Variants in PDE3A observed in about 807,000 individuals in gnomAD.
PDE3A encodes the protein cGMP-inhibited 3',5'-cyclic phosphodiesterase 3A.
A neutral mutation model predicts 98.3 loss-of-function variants in PDE3A; 43 were observed. The observed-to-expected ratio is 0.44, with a 90% confidence interval of 0.34 to 0.56. The LOEUF (loss-of-function observed/expected upper bound fraction) is 0.56, where lower values mean the gene tolerates loss of function less well. Ranked by LOEUF, PDE3A falls within the 20% of genes least tolerant of loss-of-function variation. The probability of loss-of-function intolerance (pLI) is 0.01; values close to 1 mark genes in which losing one functional copy is unlikely to be tolerated. For missense variants in PDE3A, 1,427 were observed against 1,440.7 expected, an observed-to-expected ratio of 0.99 and a Z score of 0.15; for synonymous variants, 663 against 567.9, an observed-to-expected ratio of 1.17 and a Z score of -2.38.
Position 20,369,580 on chromosome 12 carries a change from AGGAGGAGGAAGCAGCCCCG to A in PDE3A, c.301_319del (p.Glu101GlnfsTer100). On this transcript the variant is annotated frameshift_variant, in exon 1 of 16. Transcript: ENST00000359062. LOFTEE classifies it high-confidence loss of function. ...CAGTGTAAGGAGGCGGCGGCGGCGG[AGGAGGAGGAAGCAGCCCCG>A]GGAGCAGAAGGGGGCGTCTTCCCGG... 1 of 1,554,624 alleles carries A rather than the reference AGGAGGAGGAAGCAGCCCCG, an allele frequency of 6.4e-7. No individual in the cohort carries two copies. Among genetic ancestry groups the A allele is most frequent in the South Asian group, 1.2e-5 (1 of 84,192 alleles).
intron 2 of PDE3A, among the ~76,000 whole-genome samples, chr12:20,571,589 T>C (rs920137232): frequency 2.6e-5 from 4 of 152,168 alleles, no homozygotes; most frequent in African/African-American, 9.6e-5. Flanking sequence ...TTCTGACTCC[T>C]AGCTTTTCTA....
At position 20,368,605 on chromosome 12, in the gene PDE3A, AT is replaced by A. The variant is rs1339516325; in HGVS notation, c.-669del. 7.9e-3 allele frequency among the ~76,000 whole-genome samples: 1,102 copies of A among 139,832 alleles called. 37 individuals are homozygous for A. Among genetic ancestry groups the A allele is most frequent in the Admixed American group, 0.061 (873 of 14,196 alleles). The allele number at this position is 139,832 out of a possible 152,430, so 91.7% of individuals were successfully genotyped here. A position where few individuals can be genotyped will look rare whatever the true frequency, so the allele number is the denominator to read the frequency against. On this transcript the variant is annotated 5_prime_UTR_variant, in exon 1 of 16. Coordinates refer to ENST00000359062, the MANE Select transcript of PDE3A (RefSeq NM_000921.5). ...CTTCTTATTTCTCAGCCCCTTGTCCATTTTTTTTTTTCCATCCTTTGCCATG... is the reference window on the plus strand; with the variant it reads ...CTTCTTATTTCTCAGCCCCTTGTCCATTTTTTTTTTCCATCCTTTGCCATG...
At position 20,451,219 on chromosome 12, in the gene PDE3A, C is replaced by T. The variant is rs563884530; in HGVS notation, c.960+80975C>T. On this transcript the variant is annotated intron_variant, in intron 1 of 15. Transcript: ENST00000359062. ...ACTTCCAAACAAAGAATGTTTCAGA[C>T]CTCAGTGTATTAACAGTTTTCCTAA... Among the ~76,000 whole-genome samples the T allele has an allele frequency of 3.3e-5, 5 of 152,246 alleles. No homozygotes were observed. The South Asian group carries it at 1.0e-3, about 32-fold the overall frequency.
chr12:20,439,003 C>G (rs528887487), intron 1 of PDE3A, among the ~76,000 whole-genome samples: 1 of 152,162 alleles, frequency 6.6e-6, no homozygotes, highest in Admixed American at 6.6e-5. Flanking sequence ...CCATGTTGGT[C>G]AGGGTGGTCT....
chr12:20,561,053 G>C (rs985037812), intron 2 of PDE3A, among the ~76,000 whole-genome samples: 1 of 152,112 alleles, frequency 6.6e-6, no homozygotes, highest in Non-Finnish European at 1.5e-5. Flanking sequence ...CTGAGGTCAG[G>C]AGTTTGAGAC....
intron 10 of PDE3A, among the ~76,000 whole-genome samples, chr12:20,643,730 C>T (rs555164468): frequency 6.6e-6 from 1 of 152,148 alleles, no homozygotes; most frequent in Admixed American, 6.5e-5. Flanking sequence ...TTGTACCAGC[C>T]TCATAAAATG....
chr12:20,453,151 T>G (rs1194621729), intron 1 of PDE3A, among the ~76,000 whole-genome samples: 2 of 151,482 alleles, frequency 1.3e-5, no homozygotes, highest in Non-Finnish European at 2.9e-5. Context: ...TTGACTGGTT[T>G]TGGATGACAA....
At chr12:20,543,199 A>T (rs1437327189) in intron 1 of PDE3A, among the ~76,000 whole-genome samples, 1 of 151,442 alleles carries the variant, frequency 6.6e-6, no homozygotes, top group Non-Finnish European at 1.5e-5. Context: ...AATCTGTTTT[A>T]TTGTGGTTAT....
At chr12:20,608,453 C>T (rs1237749233) in intron 2 of PDE3A, among the ~76,000 whole-genome samples, 3 of 152,000 alleles carry the variant, frequency 2.0e-5, no homozygotes, top group African/African-American at 7.2e-5. Flanking sequence ...ATTTGTCTCT[C>T]GGCTTGAATG....
chr12:20,381,880 CT>C (rs1943670191), intron 1 of PDE3A, among the ~76,000 whole-genome samples: 2 of 151,756 alleles, frequency 1.3e-5, no homozygotes, highest in Non-Finnish European at 2.9e-5. Context: ...AACTTCTCCC[CT>C]GTTGATAATT....
At chr12:20,610,169 C>T (rs1185679745) in intron 2 of PDE3A, among the ~76,000 whole-genome samples, 3 of 151,918 alleles carry the variant, frequency 2.0e-5, no homozygotes, top group African/African-American at 7.2e-5. Flanking sequence ...AATTAATATC[C>T]AAACTTTATA....
At chr12:20,517,584 G>A (rs6416213) in intron 1 of PDE3A, among the ~76,000 whole-genome samples, 145,467 of 152,292 alleles carry the variant, frequency 0.96, 69,525 homozygotes, top group East Asian at 1. Flanking sequence ...TTGTGATTTA[G>A]TTCTACTGGA....
chr12:20,587,542 C>A (rs1943226046), intron 2 of PDE3A, among the ~76,000 whole-genome samples: 1 of 151,874 alleles, frequency 6.6e-6, no homozygotes, highest in Admixed American at 6.6e-5. Context: ...TTCAGTTGAC[C>A]TGTTTGTCTT....
intron 1 of PDE3A, among the ~76,000 whole-genome samples, chr12:20,482,640 C>G (rs1274489553): frequency 1.3e-5 from 2 of 152,198 alleles, no homozygotes; most frequent in Non-Finnish European, 2.9e-5. Flanking sequence ...TTCTCAACTT[C>G]TAACATAAAA....
At chr12:20,519,562 C>A (rs538686748) in intron 1 of PDE3A, among the ~76,000 whole-genome samples, 1 of 152,198 alleles carries the variant, frequency 6.6e-6, no homozygotes, top group East Asian at 1.9e-4. Context: ...TTATGAAGTA[C>A]GCTTTGTGGA....
chr12:20,406,791 G>A (rs898176811), intron 1 of PDE3A, among the ~76,000 whole-genome samples: 1 of 151,958 alleles, frequency 6.6e-6, no homozygotes, highest in Non-Finnish European at 1.5e-5. Context: ...CAATACGAAC[G>A]TCTTTTTCTG....
rs150971849 is a variant in PDE3A at position 20,509,976 on chromosome 12, A to T, written c.961-46684A>T. Among the ~76,000 whole-genome samples the T allele has an allele frequency of 5.1e-4, 77 of 152,122 alleles. 2 individuals are homozygous for T. The East Asian group carries it at 0.015, about 29-fold the overall frequency. On this transcript the variant is annotated intron_variant, in intron 1 of 15. Transcript: ENST00000359062. ...TTTCTCATGAATTGTCTTCTCATTT[A>T]CATTTTAAATATTAATGATATTTAT...
At chr12:20,553,776 G>A (rs983161878) in intron 1 of PDE3A, among the ~76,000 whole-genome samples, 2 of 152,218 alleles carry the variant, frequency 1.3e-5, no homozygotes, top group Non-Finnish European at 2.9e-5. Flanking sequence ...ATGAAGTCAC[G>A]TGCAAGTGCC....
chr12:20,638,087 A>G (rs759352174), intron 9 of PDE3A, among the ~76,000 whole-genome samples: 17 of 152,226 alleles, frequency 1.1e-4, no homozygotes, highest in Non-Finnish European at 2.1e-4. Flanking sequence ...TCAAGACCCA[A>G]CCCAGATCTA....
Sources: gnomAD v4.1 joint callset for allele counts (sites outside exome capture counted in the v4.1 genomes callset) on GRCh38, gnomAD v4.1.1 for gene constraint, MANE v1.5 for transcripts, NCBI Gene and HGNC (gene_info 2026-07-23, HGNC 2026-07-21) for gene names.